NAA35: variants seen among roughly 807,000 people sequenced by gnomAD.
The protein encoded by NAA35 is MAK10 homolog, amino-acid N-acetyltransferase subunit.
A neutral mutation model predicts 101.7 loss-of-function variants in NAA35; 18 were observed. The ratio of observed to expected loss-of-function variants is 0.18; its 90% confidence interval spans 0.12 to 0.26. The LOEUF (loss-of-function observed/expected upper bound fraction) is 0.26, where lower values mean the gene tolerates loss of function less well. Ranked by LOEUF, NAA35 falls within the 10% of genes least tolerant of loss-of-function variation. The pLI, the probability that NAA35 is intolerant of heterozygous loss-of-function variation, is 1.00. For missense variants in NAA35, 601 were observed against 886.8 expected, an observed-to-expected ratio of 0.68 and a Z score of 4.09; for synonymous variants, 267 against 273.1, an observed-to-expected ratio of 0.98 and a Z score of 0.22.
intron 6 of NAA35, among the ~76,000 whole-genome samples, chr9:85,968,888 C>T (rs59806081): frequency 2.0e-5 from 3 of 152,080 alleles, no homozygotes; most frequent in African/African-American, 4.8e-5. Context: ...TATTTCCCTT[C>T]TCATACAAAA....
intron 22 of NAA35, among the ~76,000 whole-genome samples, chr9:86,021,637 A>G (rs114783970): frequency 9.4e-4 from 143 of 152,200 alleles, no homozygotes; most frequent in African/African-American, 3.3e-3. Flanking sequence ...ATTTTTGACT[A>G]TTTATCTTTT....
rs183791662 is a variant in NAA35, at chr9:86,005,692, T to C, written c.1117-1666T>C. On this transcript the variant is annotated intron_variant, in intron 13 of 22. Transcript: ENST00000361671. ...AATTCTATATACTTGAAATGAACAA[T>C]GGTAGATCAAAATTTTAAAAACCAA... 2.9e-3 allele frequency among the ~76,000 whole-genome samples: 438 copies of C among 151,910 alleles called. 5 individuals are homozygous for C. In the South Asian group the frequency reaches 0.034, roughly 12 times the overall value.
At chr9:85,941,499 G>A (rs1828511896) in intron 1 of NAA35, 1 of 985,518 alleles carries the variant, frequency 1.0e-6, no homozygotes, top group Non-Finnish European at 1.2e-6. Flanking sequence ...GGACGTGCCC[G>A]CCCTCCCGCG....
At chr9:85,988,803 A>T in intron 11 of NAA35, among the ~76,000 whole-genome samples, 1 of 152,136 alleles carries the variant, frequency 6.6e-6, no homozygotes, top group East Asian at 1.9e-4. Context: ...TCTCGAAAAA[A>T]AAAAAAGGAC....
Position 86,013,728 on chromosome 9 carries a change from G to T in NAA35, c.1399G>T (p.Val467Phe), listed in dbSNP as rs774561710. ...FATLQDEAEK[V>F]DAALHTMLLK... Reference sequence around the variant, plus strand: ...CATTTTATTTTAATAGGCAGAGAAGGTTGATGCAGCGCTTCACACCATGCT... The same window carrying T: ...CATTTTATTTTAATAGGCAGAGAAGTTTGATGCAGCGCTTCACACCATGCT... Residue 467 changes from valine to phenylalanine, a missense_variant, in exon 17 of 23, where the codon GTT (valine) becomes TTT (phenylalanine). Around this residue, in one of 8 missense-constraint regions of NAA35, gnomAD observed 99 missense variants for 206.7 expected, o/e 0.48. Coordinates refer to ENST00000361671, the MANE Select transcript of NAA35 (RefSeq NM_024635.4). 3 of 1,613,078 alleles carry T rather than the reference G, an allele frequency of 1.9e-6. No homozygotes were observed. Among genetic ancestry groups the T allele is most frequent in the Non-Finnish European group, 1.7e-6 (2 of 1,179,298 alleles).
intron 12 of NAA35, 144 bp from the exon 13 acceptor site, chr9:86,003,441 A>G: frequency 7.0e-6 from 3 of 429,202 alleles, no homozygotes; most frequent in Non-Finnish European, 4.1e-6. Flanking sequence ...AATAATTTCT[A>G]TAGAAATGAC....
rs114982374 is a variant in NAA35, at chr9:85,997,194, T to C, written c.1056+617T>C. Among the ~76,000 whole-genome samples, 624 of 152,026 alleles carry C rather than the reference T, an allele frequency of 4.1e-3. 10 individuals carry two copies. The highest frequency in any genetic ancestry group is 0.015 in the African/African-American group (602 of 41,452). On this transcript the variant is annotated intron_variant, in intron 12 of 22. Coordinates refer to ENST00000361671, the MANE Select transcript of NAA35 (RefSeq NM_024635.4). Reference sequence around the variant, plus strand: ...CCAGGCTGGTGTTGAACTCCTGGGTTCAAGCAGTCCTCCTACTTCTGCCTC... The same window carrying C: ...CCAGGCTGGTGTTGAACTCCTGGGTCCAAGCAGTCCTCCTACTTCTGCCTC...
intron 12 of NAA35, among the ~76,000 whole-genome samples, chr9:85,997,286 T>G (rs1831204164): frequency 6.6e-6 from 1 of 151,692 alleles, no homozygotes; most frequent in South Asian, 2.1e-4. Flanking sequence ...TGAGGTCAAG[T>G]GATCTCCCAC....
At chr9:85,949,768 A>G (rs751495513) in intron 2 of NAA35, among the ~76,000 whole-genome samples, 3 of 151,652 alleles carry the variant, frequency 2.0e-5, no homozygotes, top group African/African-American at 7.3e-5. Flanking sequence ...GCTGTATACT[A>G]TTGAGCCTAC....
rs1829520002 is a variant in NAA35, at chr9:85,961,653, T to G, written c.349-360T>G. Reference sequence around the variant, plus strand: ...TTGGCTGGGTTGTGGTGGTAAGGATTATAAAGTTCAATGAGTGTCTAAGGA... The same window carrying G: ...TTGGCTGGGTTGTGGTGGTAAGGATGATAAAGTTCAATGAGTGTCTAAGGA... On this transcript the variant is annotated intron_variant, in intron 5 of 22. Coordinates refer to ENST00000361671, the MANE Select transcript of NAA35 (RefSeq NM_024635.4). 2.0e-5 allele frequency among the ~76,000 whole-genome samples: 3 copies of G among 152,202 alleles called. No individual in the cohort carries two copies. The South Asian group carries it at 6.2e-4, about 32-fold the overall frequency.
At chr9:85,973,964 AT>A (rs1295180236) in intron 6 of NAA35, among the ~76,000 whole-genome samples, 8 of 146,956 alleles carry the variant, frequency 5.4e-5, no homozygotes, top group African/African-American at 7.5e-5. Context: ...TTCTATCTAC[AT>A]TTTTTTTTTG....
rs141640192 is a variant in NAA35 at position 86,003,574 on chromosome 9, A to G, written c.1057-11A>G. The G allele has an allele frequency of 3.0e-4, 464 of 1,556,804 alleles. 1 individual carries two copies. The African/African-American group carries it at 5.3e-3, about 18-fold the overall frequency. ...ATTAATGACATTGCTTTTTCTTTAT[A>G]TATCTGTTAGGATTTTTTCTGTGAA... is the stretch of plus-strand genomic sequence containing the variant. On this transcript the variant is annotated splice_polypyrimidine_tract_variant and intron_variant, in intron 12 of 22. Coordinates refer to ENST00000361671, the MANE Select transcript of NAA35 (RefSeq NM_024635.4).
At chr9:85,978,801 G>A (rs550477099) in intron 11 of NAA35, among the ~76,000 whole-genome samples, 2 of 151,970 alleles carry the variant, frequency 1.3e-5, no homozygotes, top group Non-Finnish European at 2.9e-5. Flanking sequence ...ATAGTTTGGC[G>A]GGCAGTGGGT....
chr9:85,979,132 G>C (rs1830332846), intron 11 of NAA35, among the ~76,000 whole-genome samples: 1 of 152,090 alleles, frequency 6.6e-6, no homozygotes, highest in South Asian at 2.1e-4. Context: ...AATTTCCTTG[G>C]CAAGGCCATT....
intron 2 of NAA35, among the ~76,000 whole-genome samples, chr9:85,953,392 C>G (rs1310234826): frequency 6.6e-6 from 1 of 151,842 alleles, no homozygotes; most frequent in Non-Finnish European, 1.5e-5. Flanking sequence ...CATCATTCCT[C>G]TCCCCATTCT....
intron 11 of NAA35, among the ~76,000 whole-genome samples, chr9:85,982,211 A>G (rs1308199000): frequency 6.6e-6 from 1 of 152,168 alleles, no homozygotes; most frequent in Non-Finnish European, 1.5e-5. Flanking sequence ...TGGCCCTGGA[A>G]AATGGATAGA....
At chr9:86,014,340 A>G (rs1308984511) in intron 17 of NAA35, 2 of 973,576 alleles carry the variant, frequency 2.1e-6, no homozygotes, top group Non-Finnish European at 2.4e-6. Flanking sequence ...TCACTTCAGG[A>G]GCTTTGGAGT....
intron 15 of NAA35, among the ~76,000 whole-genome samples, chr9:86,010,162 C>T (rs577009269): frequency 2.0e-5 from 3 of 152,124 alleles, no homozygotes; most frequent in South Asian, 2.1e-4. Context: ...GTGGGAAAAT[C>T]GCTTGAACCC....
intron 13 of NAA35, among the ~76,000 whole-genome samples, chr9:86,005,876 A>G (rs1226251992): frequency 6.8e-6 from 1 of 146,790 alleles, no homozygotes; most frequent in Non-Finnish European, 1.5e-5. Context: ...AATATCTTTA[A>G]AAAAAAAAAA....
Sources: gnomAD v4.1 joint callset for allele counts (sites outside exome capture counted in the v4.1 genomes callset) on GRCh38, gnomAD v4.1.1 for gene constraint, gnomAD v4.1.1 regional missense constraint, MANE v1.5 for transcripts, NCBI Gene and HGNC (gene_info 2026-07-23, HGNC 2026-07-21) for gene names.